The following CHAMP1 variants were observed in gnomAD, a reference collection of about 807,000 sequenced individuals.
CHAMP1 encodes the protein chromosome alignment-maintaining phosphoprotein 1.
CHAMP1 carries 4 observed loss-of-function variants against 54.5 expected under a neutral mutation model. That is an observed-to-expected ratio of 0.07 (90% confidence interval 0.04 to 0.17). The LOEUF is 0.17. Ranked by LOEUF, CHAMP1 falls within the 10% of genes least tolerant of loss-of-function variation. The pLI is 1.00. For synonymous variants in CHAMP1, 368 were observed against 342.2 expected (o/e 1.08, Z -0.83); for missense variants, 994 against 968.6 (o/e 1.03, Z -0.35).
chr13:114,316,681 A>C (rs1156843988), intron 1 of CHAMP1, among the ~76,000 whole-genome samples: 1 of 152,046 alleles, frequency 6.6e-6, no homozygotes, highest in Non-Finnish European at 1.5e-5. Context: ...CAGATATCTC[A>C]CACTAATGCA....
At position 114,324,614 on chromosome 13, in the gene CHAMP1, G is replaced by A. The variant is rs781820537; in HGVS notation, c.772G>A (p.Gly258Arg). 3.7e-6 allele frequency: 6 copies of A among 1,613,942 alleles called. No homozygotes were observed. In the South Asian group the frequency reaches 6.6e-5, roughly 18 times the overall value. The change falls in exon 3 of 3, where the codon GGA becomes AGA. Residue 258 changes from glycine to arginine, a missense_variant. This residue lies in a region of CHAMP1 where 851 missense variants were observed against 701.3 expected (regional missense o/e 1.21). Transcript: ENST00000361283. ...TCTAGCTGCTTCCCCAGAACCTTGG[G>A]GACCATCCCCAGCTGCATCTCCAGA... ...PVLAASPEPW[G>R]PSPAASPESR...
In CHAMP1 at chr13:114,324,309, C is replaced by T. The variant is rs2139418605; in HGVS notation, c.467C>T (p.Pro156Leu). ...PKPTPLTPLE[P>L]QKPGSVVSPE... Reference sequence around the variant, plus strand: ...CCTACTCCTCTTACTCCCCTGGAGCCTCAGAAACCTGGCTCTGTTGTTTCT... The same window carrying T: ...CCTACTCCTCTTACTCCCCTGGAGCTTCAGAAACCTGGCTCTGTTGTTTCT... Residue 156 changes from proline (P) to leucine (L), a missense_variant, in exon 3 of 3, where the codon CCT becomes CTT. Pro to Leu is a moderately conservative substitution (Grantham distance 98, BLOSUM62 -3). This residue lies in a region of CHAMP1 where 851 missense variants were observed against 701.3 expected (regional missense o/e 1.21). Transcript: ENST00000361283. 2 of 1,614,150 alleles carry T rather than the reference C, an allele frequency of 1.2e-6. No individual in the cohort carries two copies. Among genetic ancestry groups the T allele is most frequent in the Non-Finnish European group, 1.7e-6 (2 of 1,180,032 alleles).
At chr13:114,321,322 A>G (rs2087167509) in intron 2 of CHAMP1, 90 bp downstream of exon 2, 2 of 152,118 alleles carry the variant, frequency 1.3e-5, no homozygotes, top group South Asian at 4.1e-4. Context: ...GAAAATCTCT[A>G]AAAGTGTACA....
intron 1 of CHAMP1, among the ~76,000 whole-genome samples, chr13:114,317,624 C>G (rs1158434542): frequency 6.6e-6 from 1 of 151,778 alleles, no homozygotes; most frequent in African/African-American, 2.4e-5. Flanking sequence ...GACCCTGTCT[C>G]TAAAAAAGAA....
chr13:114,318,857 CTTTTTTTTTTTTTTT>C (rs56669844), intron 1 of CHAMP1, among the ~76,000 whole-genome samples: 3 of 24,156 alleles, frequency 1.2e-4, no homozygotes, highest in Non-Finnish European at 2.3e-4. Context: ...TCCTGGTTGC[CTTTTTTTTTTTTTTT>C]TTTTTTTTTT....
chr13:114,327,201 T>A lies in CHAMP1; in HGVS notation c.*920T>A, dbSNP rs575801611. The A allele has an allele frequency of 2.0e-3, 329 of 167,068 alleles. 1 individual carries two copies. The highest frequency in any genetic ancestry group is 4.1e-3 in the Admixed American group (63 of 15,292). 10.3% of individuals were successfully genotyped at this position (167,068 alleles called of 1,614,324 possible). Reference sequence around the variant, plus strand: ...TAGACATTTCTGTTAAAGAAATATATCGATTTTATGTTTTTCAATTATGTT... The same window carrying A: ...TAGACATTTCTGTTAAAGAAATATAACGATTTTATGTTTTTCAATTATGTT... On this transcript the variant is annotated 3_prime_UTR_variant, in exon 3 of 3. Coordinates refer to ENST00000361283, the MANE Select transcript of CHAMP1 (RefSeq NM_032436.4).
At chr13:114,317,203 A>T (rs987728928) in intron 1 of CHAMP1, among the ~76,000 whole-genome samples, 5 of 152,068 alleles carry the variant, frequency 3.3e-5, no homozygotes, top group Non-Finnish European at 7.4e-5. Context: ...TTTTTAGTAG[A>T]GACAGGGTTT....
chr13:114,325,232 G>C lies in CHAMP1; in HGVS notation c.1390G>C (p.Asp464His). 6.2e-7 allele frequency: 1 copy of C among 1,614,114 alleles called. No individual in the cohort carries two copies. The highest frequency in any genetic ancestry group is 8.5e-7 in the Non-Finnish European group (1 of 1,180,014). ...DQRKTSPASL[D>H]FPESQKSSRG... ...GCGGAAAACTTCTCCTGCTTCACTTGATTTCCCTGAGTCCCAGAAAAGTTC... is the reference window on the plus strand; with the variant it reads ...GCGGAAAACTTCTCCTGCTTCACTTCATTTCCCTGAGTCCCAGAAAAGTTC... Residue 464 changes from aspartate (D) to histidine (H), a missense_variant, in exon 3 of 3, where the codon GAT (aspartate) becomes CAT (histidine). Coordinates refer to ENST00000361283, the MANE Select transcript of CHAMP1 (RefSeq NM_032436.4).
At chr13:114,319,561 T>G (rs755497340) in intron 1 of CHAMP1, among the ~76,000 whole-genome samples, 3 of 152,160 alleles carry the variant, frequency 2.0e-5, no homozygotes, top group Non-Finnish European at 2.9e-5. Context: ...TACAGTTGAC[T>G]CATGAATAAC....
chr13:114,324,190 A>T lies in CHAMP1; in HGVS notation c.348A>T (p.Lys116Asn). The T allele has an allele frequency of 1.2e-6, 2 of 1,614,170 alleles. No homozygotes were observed. Among genetic ancestry groups the T allele is most frequent in the African/African-American group, 2.7e-5 (2 of 75,026 alleles). Residue 116 changes from lysine to asparagine, a missense_variant, in exon 3 of 3, where the codon AAA (lysine) becomes AAT (asparagine). By Grantham distance (94) the Lys-to-Asn change is moderately conservative. Transcript: ENST00000361283. ...VKSPPLPEHQKIPCNSAEPKS... is the reference protein window; with the variant it reads ...VKSPPLPEHQNIPCNSAEPKS... ...GCCCTCCTCTTCCTGAACACCAGAA[A>T]ATACCCTGCAATTCAGCAGAACCAA...
intron 1 of CHAMP1, among the ~76,000 whole-genome samples, chr13:114,316,834 C>T (rs1201936349): frequency 6.7e-6 from 1 of 150,194 alleles, no homozygotes; most frequent in Non-Finnish European, 1.5e-5. Context: ...CTAAAATGCT[C>T]CTTTTGGCAC....
intron 1 of CHAMP1, among the ~76,000 whole-genome samples, chr13:114,319,055 C>T (rs1222532459): frequency 6.6e-6 from 1 of 151,802 alleles, no homozygotes; most frequent in African/African-American, 2.4e-5. Context: ...TTTGTTTCAT[C>T]TTGTTTATTT....
intron 1 of CHAMP1, among the ~76,000 whole-genome samples, chr13:114,320,302 C>T (rs1413423210): frequency 6.6e-6 from 1 of 152,184 alleles, no homozygotes; most frequent in Non-Finnish European, 1.5e-5. Flanking sequence ...GCAGAGCAAT[C>T]ACTGAAGCAG....
intron 1 of CHAMP1, among the ~76,000 whole-genome samples, chr13:114,318,117 T>C (rs890243931): frequency 3.3e-5 from 5 of 152,182 alleles, no homozygotes; most frequent in African/African-American, 1.2e-4. Flanking sequence ...GTTCTGCTAC[T>C]GTGGGAAAGA....
intron 2 of CHAMP1, chr13:114,322,732 A>C (rs1322240459): frequency 6.6e-6 from 1 of 152,222 alleles, no homozygotes; most frequent in Non-Finnish European, 1.5e-5. Flanking sequence ...AATGTCTTAG[A>C]GATAAATTCT....
chr13:114,318,152 A>G (rs983257862), intron 1 of CHAMP1, among the ~76,000 whole-genome samples: 2 of 152,182 alleles, frequency 1.3e-5, no homozygotes, highest in Non-Finnish European at 1.5e-5. Flanking sequence ...AGCAGAGACC[A>G]GAATTGAGAA....
intron 1 of CHAMP1, among the ~76,000 whole-genome samples, chr13:114,320,013 C>G (rs9525331): frequency 0.059 from 9,008 of 152,182 alleles, 312 homozygotes; most frequent in Middle Eastern, 0.1. Context: ...ACAGGCAGAT[C>G]ACATTAGGCT....
rs782204124 is a variant in CHAMP1, at chr13:114,324,222, T to TGGA, written c.380_381insGGA (p.Ile127delinsMetGlu). 3.1e-6 allele frequency: 5 copies of TGGA among 1,614,124 alleles called. No individual in the cohort carries two copies. The highest frequency in any genetic ancestry group is 4.2e-6 in the Non-Finnish European group (5 of 1,180,000). On this transcript the variant is annotated protein_altering_variant, in exon 3 of 3. Transcript: ENST00000361283. ...TGCAATTCAGCAGAACCAAAATCCA[T>TGGA]ACCTGCCCTTTCAATGGAAACACAG... is the stretch of plus-strand genomic sequence containing the variant.
rs1555379485 is a variant in CHAMP1, at chr13:114,324,493, A to G, written c.651A>G (p.Ser217=). The change falls in exon 3 of 3, where the codon TCA becomes TCG. Residue 217 remains serine (S), a synonymous_variant. Transcript: ENST00000361283. ...AACCTGCCCCTGTATCTCCTGAGTC[A>G]GTAAAGGCTACTCTTAGTAATCCCA... is the stretch of plus-strand genomic sequence containing the variant. ...PQKPAPVSPE[S]VKATLSNPKP... is the part of the protein sequence containing the mutation. 6.2e-7 allele frequency: 1 copy of G among 1,614,206 alleles called. No individual in the cohort carries two copies. The highest frequency in any genetic ancestry group is 2.2e-5 in the East Asian group (1 of 44,880).
Sources: allele counts gnomAD v4.1 joint callset (sites outside exome capture counted in the v4.1 genomes callset), GRCh38; gene constraint gnomAD v4.1.1; regional missense constraint gnomAD v4.1.1; transcripts MANE v1.5; gene names NCBI Gene and HGNC (gene_info 2026-07-23, HGNC 2026-07-21).